GRM7: variants seen among roughly 807,000 people sequenced by gnomAD.
GRM7 encodes the protein glutamate metabotropic receptor 7.
Under a neutral mutation model 84.5 loss-of-function variants are expected in GRM7, and 35 were observed. That is an observed-to-expected ratio of 0.41 (90% CI 0.32 to 0.55). GRM7 has a LOEUF of 0.55. Ranked by LOEUF, GRM7 falls within the 20% of genes least tolerant of loss-of-function variation. The probability of loss-of-function intolerance (pLI) is 0.19; values close to 1 mark genes in which losing one functional copy is unlikely to be tolerated. For missense variants in GRM7, 1,003 were observed against 1,194.6 expected, an observed-to-expected ratio of 0.84 and a Z score of 2.36; for synonymous variants, 487 against 455.1, an observed-to-expected ratio of 1.07 and a Z score of -0.89.
chr3:7,004,894 C>A (rs1050166363), intron 1 of GRM7, among the ~76,000 whole-genome samples: 4 of 152,194 alleles, frequency 2.6e-5, no homozygotes, highest in Admixed American at 6.5e-5. Flanking sequence ...ACACCACAGA[C>A]AACAGGCAGG....
chr3:7,253,856 C>T (rs567605121), intron 2 of GRM7, among the ~76,000 whole-genome samples: 36 of 152,128 alleles, frequency 2.4e-4, no homozygotes, highest in South Asian at 4.2e-4. Flanking sequence ...ATGGATTTTG[C>T]GCATCATTTC....
At chr3:7,072,005 T>C (rs1697899732) in intron 1 of GRM7, among the ~76,000 whole-genome samples, 1 of 152,132 alleles carries the variant, frequency 6.6e-6, no homozygotes, top group African/African-American at 2.4e-5. Context: ...CTTATTACCA[T>C]GACAATGGCA....
intron 4 of GRM7, among the ~76,000 whole-genome samples, chr3:7,331,148 C>T (rs1208828614): frequency 6.6e-6 from 1 of 152,150 alleles, no homozygotes; most frequent in African/African-American, 2.4e-5. Context: ...ATACTGTATT[C>T]CCTCTATACT....
At chr3:7,078,842 A>G (rs9848973) in intron 1 of GRM7, among the ~76,000 whole-genome samples, 87,194 of 149,734 alleles carry the variant, frequency 0.58, 27,496 homozygotes, top group African/African-American at 0.85. Flanking sequence ...TCCTTTTGGA[A>G]CTCTGAGTTT....
intron 7 of GRM7, among the ~76,000 whole-genome samples, chr3:7,558,725 A>C (rs1693879255): frequency 6.6e-6 from 1 of 152,158 alleles, no homozygotes; most frequent in African/African-American, 2.4e-5. Flanking sequence ...TAGATTAAGA[A>C]ACTAATTATA....
intron 1 of GRM7, among the ~76,000 whole-genome samples, chr3:6,911,637 C>A (rs1260333614): frequency 6.6e-6 from 1 of 152,112 alleles, no homozygotes; most frequent in Non-Finnish European, 1.5e-5. Flanking sequence ...AATAACCCAT[C>A]TTTGCTATTT....
intron 5 of GRM7, among the ~76,000 whole-genome samples, chr3:7,428,314 A>G (rs1472355468): frequency 6.6e-6 from 1 of 152,156 alleles, no homozygotes; most frequent in Non-Finnish European, 1.5e-5. Flanking sequence ...TGGTGGAGAA[A>G]ATTTGCAGAG....
chr3:6,957,290 A>G (rs1693097822), intron 1 of GRM7, among the ~76,000 whole-genome samples: 1 of 152,162 alleles, frequency 6.6e-6, no homozygotes, highest in African/African-American at 2.4e-5. Context: ...TCCATTCTTG[A>G]TTAAGGTGTC....
chr3:7,373,481 C>G (rs915408388), intron 4 of GRM7, among the ~76,000 whole-genome samples: 9 of 152,166 alleles, frequency 5.9e-5, no homozygotes, highest in African/African-American at 2.2e-4. Context: ...TCAGTCTTCT[C>G]CAGTTAATCT....
intron 5 of GRM7, among the ~76,000 whole-genome samples, chr3:7,432,770 A>G (rs148172549): frequency 1.3e-5 from 2 of 152,348 alleles, no homozygotes; most frequent in African/African-American, 4.8e-5. Context: ...GGATGGGTTA[A>G]AAAAGATTAG....
chr3:7,364,034 TA>T (rs1693776446), intron 4 of GRM7, among the ~76,000 whole-genome samples: 2 of 152,192 alleles, frequency 1.3e-5, no homozygotes, highest in Admixed American at 6.6e-5. Flanking sequence ...GTATATCCTG[TA>T]AACTGTGCCA....
At chr3:7,128,728 G>T (rs9814305) in intron 1 of GRM7, among the ~76,000 whole-genome samples, 40,430 of 146,602 alleles carry the variant, frequency 0.28, 5,993 homozygotes, top group African/African-American at 0.36. Context: ...GGATGGTCTT[G>T]AACTCCTGAT....
chr3:7,653,949 C>A (rs1235324386), intron 8 of GRM7, among the ~76,000 whole-genome samples: 1 of 152,172 alleles, frequency 6.6e-6, no homozygotes, highest in African/African-American at 2.4e-5. Context: ...CCTGCTGGCA[C>A]CCCTGCTACT....
chr3:6,941,091 T>TG (rs1281684278), intron 1 of GRM7, among the ~76,000 whole-genome samples: 1 of 152,198 alleles, frequency 6.6e-6, no homozygotes, highest in Non-Finnish European at 1.5e-5. Flanking sequence ...TTGCTACTCA[T>TG]GGCTGGACGT....
At chr3:7,576,589 C>T (rs1694972162) in intron 7 of GRM7, among the ~76,000 whole-genome samples, 1 of 152,126 alleles carries the variant, frequency 6.6e-6, no homozygotes, top group Admixed American at 6.5e-5. Context: ...TTCCAATATG[C>T]AATATATTAT....
intron 1 of GRM7, among the ~76,000 whole-genome samples, chr3:6,937,207 T>G (rs1697723672): frequency 6.6e-6 from 1 of 152,204 alleles, no homozygotes; most frequent in South Asian, 2.1e-4. Context: ...ATAAATCACT[T>G]CTTGCTGCTG....
intron 8 of GRM7, among the ~76,000 whole-genome samples, chr3:7,655,069 G>A (rs1699119868): frequency 6.6e-6 from 1 of 152,154 alleles, no homozygotes; most frequent in East Asian, 1.9e-4. Context: ...AGTCAGCTAA[G>A]TACAAGCCCA....
intron 4 of GRM7, among the ~76,000 whole-genome samples, chr3:7,349,197 CT>C (rs1421633677): frequency 5.3e-5 from 8 of 152,110 alleles, no homozygotes; most frequent in Non-Finnish European, 1.0e-4. Flanking sequence ...ATTTTTACTC[CT>C]TTTCCCTCCT....
At chr3:7,266,126 C>T (rs1424061895) in intron 2 of GRM7, among the ~76,000 whole-genome samples, 1 of 152,082 alleles carries the variant, frequency 6.6e-6, no homozygotes, top group African/African-American at 2.4e-5. Context: ...TCTGATATTT[C>T]TCACCATGAT....
Sources: gnomAD v4.1 joint callset for allele counts (sites outside exome capture counted in the v4.1 genomes callset) on GRCh38, gnomAD v4.1.1 for gene constraint, MANE v1.5 for transcripts, NCBI Gene and HGNC (gene_info 2026-07-23, HGNC 2026-07-21) for gene names.